Variants in C16orf96 observed in about 807,000 individuals in gnomAD.
C16orf96 encodes the protein uncharacterized protein C16orf96.
C16orf96 carries 108 observed loss-of-function variants against 103.6 expected under a neutral mutation model. The observed-to-expected ratio is 1.04, with a 90% CI of 0.89 to 1.22. The LOEUF (loss-of-function observed/expected upper bound fraction) is 1.22, where lower values mean the gene tolerates loss of function less well. C16orf96 is among the 50% of genes most tolerant of loss of function. The pLI is 0.00. For missense variants in C16orf96, 1,586 were observed against 1,464.2 expected (o/e 1.08, Z -1.36); for synonymous variants, 566 against 593.5 (o/e 0.95, Z 0.67).
At chr16:4,547,079 C>T in the C16orf96 span, among the ~76,000 whole-genome samples, 2 of 152,184 alleles carry the variant, frequency 1.3e-5, no homozygotes, top group African/African-American at 2.4e-5. Flanking sequence ...CATGAGCCAC[C>T]GCCCCCGGTG....
At chr16:4,598,944 C>A (rs144594199) in intron 14 of C16orf96, among the ~76,000 whole-genome samples, 4 of 152,090 alleles carry the variant, frequency 2.6e-5, no homozygotes, top group African/African-American at 4.8e-5. Flanking sequence ...ATAGCGAGAC[C>A]TCCTCCCTAG....
intron 7 of C16orf96, among the ~76,000 whole-genome samples, chr16:4,580,769 C>G (rs1382944497): frequency 6.6e-6 from 1 of 151,746 alleles, no homozygotes; most frequent in Admixed American, 6.6e-5. Flanking sequence ...TGGTGGATCA[C>G]TTGAGGTCAG....
rs574499496 is a variant in C16orf96 at position 4,577,194 on chromosome 16, AAAC to A, written c.2155+571_2155+573del. Among the ~76,000 whole-genome samples the A allele has an allele frequency of 2.1e-3, 327 of 152,142 alleles. 2 individuals carry two copies. Among genetic ancestry groups the A allele is most frequent in the African/African-American group, 7.4e-3 (307 of 41,494 alleles). The stretch of plus-strand genomic sequence containing the variant: ...CAACAAGAACGAAACTCTGTCTCAA[AAAC>A]AACAACAACAAAAAAAACTCCTTTG... On this transcript the variant is annotated intron_variant, in intron 5 of 15. Transcript: ENST00000444310.
chr16:4,599,764 G>C (rs1321315418), intron 15 of C16orf96, among the ~76,000 whole-genome samples: 1 of 152,228 alleles, frequency 6.6e-6, no homozygotes, highest in African/African-American at 2.4e-5. Flanking sequence ...ACAGAGGAGG[G>C]AGCAGAGGCT....
intron 7 of C16orf96, among the ~76,000 whole-genome samples, chr16:4,580,687 A>G (rs1180079331): frequency 6.6e-6 from 1 of 152,004 alleles, no homozygotes; most frequent in Non-Finnish European, 1.5e-5. Flanking sequence ...TCTCTACACA[A>G]ATAAAAAATT....
chr16:4,568,186 G>A (rs2059401716), intron 1 of C16orf96, among the ~76,000 whole-genome samples: 1 of 152,058 alleles, frequency 6.6e-6, no homozygotes, highest in Middle Eastern at 3.4e-3. Context: ...TTACAGGCAT[G>A]AGCCACCATA....
intron 14 of C16orf96, among the ~76,000 whole-genome samples, chr16:4,597,070 G>A (rs1897188211): frequency 8.1e-6 from 1 of 123,190 alleles, no homozygotes; most frequent in Non-Finnish European, 1.7e-5. Context: ...ACAGCTTCTA[G>A]GAGATGTATC....
intron 1 of C16orf96, 31 bp downstream of exon 1, chr16:4,556,940 C>T (rs866399493): frequency 6.6e-7 from 1 of 1,508,538 alleles, no homozygotes; most frequent in East Asian, 2.5e-5. Flanking sequence ...CACTTCTTTT[C>T]CTCCCTTCAC....
In C16orf96 at chr16:4,556,802, G is replaced by T; in HGVS notation, c.313G>T (p.Ala105Ser). 6.4e-7 allele frequency: 1 copy of T among 1,551,646 alleles called. No individual in the cohort carries two copies. Among genetic ancestry groups the T allele is most frequent in the Non-Finnish European group, 8.7e-7 (1 of 1,147,010 alleles). Residue 105 changes from alanine to serine, a missense_variant, in exon 1 of 16, where the codon GCC (alanine) becomes TCC (serine). Ala to Ser is a moderately conservative substitution (Grantham distance 99, BLOSUM62 1). Coordinates refer to ENST00000444310, the MANE Select transcript of C16orf96 (RefSeq NM_001145011.2). ...LALLQDLPST[A>S]QLLEASQGTA... ...CCTGCTGCAGGACCTGCCCTCCACT[G>T]CCCAGCTGCTGGAAGCCAGCCAGGG...
At chr16:4,540,580 A>G in the C16orf96 span, among the ~76,000 whole-genome samples, 31 of 151,958 alleles carry the variant, frequency 2.0e-4, no homozygotes, top group African/African-American at 7.0e-4. Context: ...TAAAAATACA[A>G]AAATTAGCCC....
At position 4,567,692 on chromosome 16, in the gene C16orf96, C is replaced by CTTTTTTTTTTTTTTTTTTTTTTT. The variant is rs60143866; in HGVS notation, c.421-3866_421-3844dup. ...AATTTTCAATAGTTTCTTCTGTTGC[C>CTTTTTTTTTTTTTTTTTTTTTTT]TTTTTTTTTTTTTTTTTTTTTTTTT... On this transcript the variant is annotated intron_variant, in intron 1 of 15. Coordinates refer to ENST00000444310, the MANE Select transcript of C16orf96 (RefSeq NM_001145011.2). 4.5e-5 allele frequency among the ~76,000 whole-genome samples: 2 copies of CTTTTTTTTTTTTTTTTTTTTTTT among 44,528 alleles called. 1 individual carries two copies. The highest frequency in any genetic ancestry group is 1.7e-4 in the African/African-American group (2 of 11,578). 29.2% of individuals were successfully genotyped at this position (44,528 alleles called of 152,430 possible).
At chr16:4,586,296 C>T (rs887798965) in intron 7 of C16orf96, among the ~76,000 whole-genome samples, 1 of 152,182 alleles carries the variant, frequency 6.6e-6, no homozygotes, top group African/African-American at 2.4e-5. Flanking sequence ...GATACCCATT[C>T]ACTTCTGTTG....
intron 5 of C16orf96, among the ~76,000 whole-genome samples, chr16:4,578,548 A>C (rs1243947303): frequency 6.6e-6 from 1 of 152,098 alleles, no homozygotes; most frequent in Non-Finnish European, 1.5e-5. Flanking sequence ...TCACGAGGTC[A>C]AGAGATCGAG....
chr16:4,567,521 C>G (rs1261646580), intron 1 of C16orf96, among the ~76,000 whole-genome samples: 5 of 151,186 alleles, frequency 3.3e-5, no homozygotes, highest in East Asian at 1.9e-4. Flanking sequence ...CTGACCTCAT[C>G]ATCCGCCCAC....
intron 2 of C16orf96, among the ~76,000 whole-genome samples, chr16:4,572,053 T>A (rs143063569): frequency 1.6e-3 from 248 of 151,920 alleles, no homozygotes; most frequent in Non-Finnish European, 2.4e-3. Context: ...GTTCATCTTG[T>A]TGGCCAGGCT....
chr16:4,593,446 C>G lies in C16orf96; in HGVS notation c.2867+130C>G, dbSNP rs1180708666. On this transcript the variant is annotated intron_variant, in intron 12 of 15. Coordinates refer to ENST00000444310, the MANE Select transcript of C16orf96 (RefSeq NM_001145011.2). This position sits in a 1 kb window ranked among gnomAD's most constrained non-coding sequence, Gnocchi z 4.2. ...TAAGATTGTCCTGGACATGGCCAGC[C>G]CTTCGCAAGACAGGCACTCCGAGAG... 1.1e-6 allele frequency: 1 copy of G among 911,220 alleles called. No individual in the cohort carries two copies. The highest frequency in any genetic ancestry group is 1.7e-5 in the African/African-American group (1 of 60,540). 56.4% of individuals were successfully genotyped at this position (911,220 alleles called of 1,614,324 possible).
At chr16:4,551,533 G>A (rs576538427), upstream of C16orf96, among the ~76,000 whole-genome samples, 2 of 152,194 alleles carry the variant, frequency 1.3e-5, no homozygotes, top group South Asian at 2.1e-4. Flanking sequence ...CTCACTGCAC[G>A]CTCCGCCTCC....
At chr16:4,583,130 C>A (rs999357709) in intron 7 of C16orf96, among the ~76,000 whole-genome samples, 1 of 151,916 alleles carries the variant, frequency 6.6e-6, no homozygotes, top group Admixed American at 6.6e-5. Context: ...CCCAGCTACT[C>A]GGGAGGCTGA....
rs1358161062 is a variant in C16orf96, at chr16:4,591,774, G to A, written c.2701G>A (p.Gly901Ser). 1 of 1,549,530 alleles carries A rather than the reference G, an allele frequency of 6.5e-7. No individual in the cohort carries two copies. Among genetic ancestry groups the A allele is most frequent in the African/African-American group, 1.4e-5 (1 of 72,816 alleles). Residue 901 changes from glycine to serine, a missense_variant, in exon 10 of 16, where the codon GGC becomes AGC. Gly to Ser is a moderately conservative substitution (Grantham distance 56). Transcript: ENST00000444310. Reference protein sequence around the residue: ...GLRLDPDSAAGFRRKLFKRVK... With the variant: ...GLRLDPDSAASFRRKLFKRVK... ...AAGACTGGATCCTGACAGTGCTGCTGGCTTTAGGAGGTGAGTGCCCGCCCG... is the reference window on the plus strand; with the variant it reads ...AAGACTGGATCCTGACAGTGCTGCTAGCTTTAGGAGGTGAGTGCCCGCCCG...
Sources: allele counts gnomAD v4.1 joint callset (sites outside exome capture counted in the v4.1 genomes callset), GRCh38; gene constraint gnomAD v4.1.1; non-coding constraint Gnocchi (gnomAD v3.1); transcripts MANE v1.5; gene names NCBI Gene and HGNC (gene_info 2026-07-23, HGNC 2026-07-21).